KLF12: variants seen among roughly 807,000 people sequenced by gnomAD.
KLF12 encodes the protein Krueppel-like factor 12.
In KLF12, 9 loss-of-function variants were observed where a neutral mutation model predicts 37.8. That is an observed-to-expected ratio of 0.24 (90% CI 0.14 to 0.42). KLF12 has a LOEUF of 0.42. Among genes scored for constraint, KLF12 ranks in the 10% least tolerant of loss-of-function variants. The probability of loss-of-function intolerance (pLI) is 1.00; values close to 1 mark genes in which losing one functional copy is unlikely to be tolerated. For missense variants in KLF12, 411 were observed against 516.0 expected, an observed-to-expected ratio of 0.80 and a Z score of 1.97; for synonymous variants, 208 against 202.1, an observed-to-expected ratio of 1.03 and a Z score of -0.25.
the KLF12 span, among the ~76,000 whole-genome samples, chr13:74,174,308 A>C: frequency 1.3e-5 from 2 of 149,246 alleles, no homozygotes; most frequent in Non-Finnish European, 3.0e-5. Context: ...GTACAGTCTT[A>C]GTCCTTTTTT....
chr13:74,269,783 T>C, the KLF12 span, among the ~76,000 whole-genome samples: 1 of 152,202 alleles, frequency 6.6e-6, no homozygotes, highest in Non-Finnish European at 1.5e-5. Context: ...TTCGTCTTTC[T>C]CATGAGCTAG....
intron 6 of KLF12, among the ~76,000 whole-genome samples, chr13:73,738,473 T>C (rs1877696947): frequency 6.6e-6 from 1 of 152,098 alleles, no homozygotes; most frequent in Non-Finnish European, 1.5e-5. Flanking sequence ...TTTAAGTTCT[T>C]ATTCTACTGT....
At chr13:73,824,285 G>C (rs961982298) in intron 4 of KLF12, among the ~76,000 whole-genome samples, 7 of 152,122 alleles carry the variant, frequency 4.6e-5, no homozygotes, top group African/African-American at 7.2e-5. Context: ...TAGTTGTGCA[G>C]TCTCACTCAT....
intron 5 of KLF12, among the ~76,000 whole-genome samples, chr13:73,804,931 T>C (rs1292736970): frequency 3.9e-5 from 6 of 152,162 alleles, no homozygotes; most frequent in South Asian, 2.1e-4. Context: ...AAGAGCAAAA[T>C]TGAAATAATT....
the KLF12 span, among the ~76,000 whole-genome samples, chr13:74,206,149 A>C: frequency 6.6e-6 from 1 of 152,178 alleles, no homozygotes; most frequent in South Asian, 2.1e-4. Context: ...ATAATTGTCA[A>C]GAAAGAATGA....
At chr13:74,212,536 T>C in the KLF12 span, among the ~76,000 whole-genome samples, 4 of 152,150 alleles carry the variant, frequency 2.6e-5, no homozygotes, top group Non-Finnish European at 5.9e-5. Flanking sequence ...ACAGATGTCA[T>C]GGGAGGACAG....
At chr13:73,715,256 C>T in intron 7 of KLF12, 112 bp downstream of exon 7, 1 of 800,480 alleles carries the variant, frequency 1.2e-6, no homozygotes, top group Non-Finnish European at 1.9e-6. Context: ...AAGGAGGGAA[C>T]TGGACTTGAG....
chr13:74,032,045 AAC>A (rs1251615471), intron 1 of KLF12, among the ~76,000 whole-genome samples: 1 of 152,182 alleles, frequency 6.6e-6, no homozygotes, highest in Non-Finnish European at 1.5e-5. Flanking sequence ...CTTAATTAAG[AAC>A]TCTGTTCACA....
intron 1 of KLF12, among the ~76,000 whole-genome samples, chr13:74,011,766 G>C (rs1334760861): frequency 6.6e-6 from 1 of 152,008 alleles, no homozygotes; most frequent in Non-Finnish European, 1.5e-5. Context: ...TTTATATCAG[G>C]GATTTGAGCA....
intron 2 of KLF12, among the ~76,000 whole-genome samples, chr13:73,945,230 A>G (rs1890366728): frequency 1.3e-5 from 2 of 152,194 alleles, no homozygotes; most frequent in African/African-American, 4.8e-5. Flanking sequence ...GCACTTTGGG[A>G]GGCTGAGGCG....
chr13:73,887,559 C>G (rs553619861), intron 3 of KLF12, among the ~76,000 whole-genome samples: 5 of 152,308 alleles, frequency 3.3e-5, no homozygotes, highest in African/African-American at 1.2e-4. Context: ...TCACCAGAAG[C>G]TGAGCAGATG....
chr13:74,287,461 G>A, the KLF12 span, among the ~76,000 whole-genome samples: 5 of 150,284 alleles, frequency 3.3e-5, no homozygotes, highest in South Asian at 2.1e-4. Flanking sequence ...CTGAAAACTC[G>A]GAGGTGAAAG....
intron 1 of KLF12, among the ~76,000 whole-genome samples, chr13:74,090,228 C>T (rs1875568932): frequency 6.6e-6 from 1 of 151,666 alleles, no homozygotes; most frequent in Non-Finnish European, 1.5e-5. Context: ...ATAAATTTAA[C>T]AAAAGAAGTA....
chr13:74,131,193 T>C (rs1424058209), intron 1 of KLF12, among the ~76,000 whole-genome samples: 3 of 152,212 alleles, frequency 2.0e-5, no homozygotes, highest in Admixed American at 6.5e-5. Flanking sequence ...TGTTTCATGA[T>C]ATACTGTAAC....
chr13:73,828,547 C>A (rs371984688), intron 4 of KLF12, among the ~76,000 whole-genome samples: 1 of 152,168 alleles, frequency 6.6e-6, no homozygotes, highest in East Asian at 1.9e-4. Flanking sequence ...CCAACAAATT[C>A]TATCACATTT....
chr13:73,978,503 G>A lies in KLF12; in HGVS notation c.33+16487C>T, dbSNP rs116784524. Among the ~76,000 whole-genome samples, 592 of 152,274 alleles carry A rather than the reference G, an allele frequency of 3.9e-3. 4 individuals carry two copies. Among genetic ancestry groups the A allele is most frequent in the African/African-American group, 0.014 (575 of 41,532 alleles). ...GCAACAAGGACTCTCACTCATTGCT[G>A]GTGGGAAAGCAAAATGAAACAGCCA... On this transcript the variant is annotated intron_variant, in intron 2 of 7. Transcript: ENST00000377669.
chr13:73,830,574 G>C (rs1056270016), intron 4 of KLF12, among the ~76,000 whole-genome samples: 1 of 152,238 alleles, frequency 6.6e-6, no homozygotes, highest in Middle Eastern at 3.4e-3. Context: ...CTATTGGCTA[G>C]TGCTCAGAAT....
chr13:73,993,369 G>T (rs1289802209), intron 2 of KLF12, among the ~76,000 whole-genome samples: 2 of 152,134 alleles, frequency 1.3e-5, no homozygotes, highest in African/African-American at 4.8e-5. Context: ...TATTTTCAGG[G>T]TCTGTCCTCA....
the KLF12 span, among the ~76,000 whole-genome samples, chr13:74,268,394 A>G: frequency 6.6e-6 from 1 of 152,158 alleles, no homozygotes; most frequent in Non-Finnish European, 1.5e-5. Context: ...TTAATTATGG[A>G]CTTAACAGAT....
Sources: allele counts gnomAD v4.1 joint callset (sites outside exome capture counted in the v4.1 genomes callset), GRCh38; gene constraint gnomAD v4.1.1; transcripts MANE v1.5; gene names NCBI Gene and HGNC (gene_info 2026-07-23, HGNC 2026-07-21).